Variants in RGS6 observed in about 807,000 individuals in gnomAD.
The protein encoded by RGS6 is regulator of G protein signaling 6.
In RGS6, 30 loss-of-function variants were observed where a neutral mutation model predicts 78.5. The ratio of observed to expected loss-of-function variants is 0.38; its 90% CI spans 0.29 to 0.52. The LOEUF is 0.52. Ranked by LOEUF, RGS6 falls within the 20% of genes least tolerant of loss-of-function variation. The probability of loss-of-function intolerance (pLI) is 0.85; values close to 1 mark genes in which losing one functional copy is unlikely to be tolerated. For missense variants in RGS6, 495 were observed against 609.7 expected, an observed-to-expected ratio of 0.81 and a Z score of 1.98; for synonymous variants, 206 against 206.0, an observed-to-expected ratio of 1.00 and a Z score of 0.00.
intron 2 of RGS6, among the ~76,000 whole-genome samples, chr14:72,052,582 C>CTGCTTAG (rs1232056915): frequency 6.6e-6 from 1 of 152,166 alleles, no homozygotes; most frequent in East Asian, 1.9e-4. Context: ...GGAATCTTCC[C>CTGCTTAG]TGCTTAGTGT....
At chr14:72,297,191 T>A (rs1386895974) in intron 2 of RGS6, among the ~76,000 whole-genome samples, 2 of 152,112 alleles carry the variant, frequency 1.3e-5, no homozygotes, top group Non-Finnish European at 2.9e-5. Context: ...TAGTTAATCA[T>A]GAAATTAGAT....
intron 2 of RGS6, among the ~76,000 whole-genome samples, chr14:72,032,951 A>G (rs1454081639): frequency 6.6e-6 from 1 of 152,094 alleles, no homozygotes; most frequent in Non-Finnish European, 1.5e-5. Flanking sequence ...TCTATTTTTG[A>G]TTCTTTTGAA....
intron 14 of RGS6, among the ~76,000 whole-genome samples, chr14:72,512,500 A>G (rs1007569911): frequency 2.0e-5 from 3 of 152,210 alleles, no homozygotes; most frequent in African/African-American, 7.2e-5. Flanking sequence ...CAGGAGGGCT[A>G]CATTTAATCT....
intron 3 of RGS6, among the ~76,000 whole-genome samples, chr14:72,414,173 T>A (rs2093632876): frequency 6.6e-6 from 1 of 152,244 alleles, no homozygotes; most frequent in South Asian, 2.1e-4. Flanking sequence ...TTTTCCAACT[T>A]GGTTCCATTC....
At chr14:72,474,457 C>T (rs970113149) in intron 9 of RGS6, among the ~76,000 whole-genome samples, 168 bp from the exon 10 acceptor site, 4 of 151,882 alleles carry the variant, frequency 2.6e-5, no homozygotes, top group Non-Finnish European at 5.9e-5. Flanking sequence ...TTTTCTAGAT[C>T]GTATGGGAAC....
At chr14:72,229,764 A>G (rs1285634134) in intron 2 of RGS6, among the ~76,000 whole-genome samples, 1 of 152,222 alleles carries the variant, frequency 6.6e-6, no homozygotes, top group African/African-American at 2.4e-5. Flanking sequence ...GACTCAAACA[A>G]TATGATCAAG....
At chr14:72,260,768 A>G (rs1321569243) in intron 2 of RGS6, among the ~76,000 whole-genome samples, 5 of 152,232 alleles carry the variant, frequency 3.3e-5, no homozygotes, top group Admixed American at 1.3e-4. Flanking sequence ...ATCTGTGAGC[A>G]TATATACAGA....
At chr14:72,422,045 G>T (rs1439216519) in intron 3 of RGS6, among the ~76,000 whole-genome samples, 1 of 152,174 alleles carries the variant, frequency 6.6e-6, no homozygotes, top group African/African-American at 2.4e-5. Context: ...TTGTGATACA[G>T]AACAAACCTC....
chr14:71,876,921 TCC>T, the RGS6 span, among the ~76,000 whole-genome samples: 1 of 152,146 alleles, frequency 6.6e-6, no homozygotes, highest in Admixed American at 6.5e-5. Flanking sequence ...ATTTTATTTC[TCC>T]TTCACTTATG....
At chr14:72,589,932 A>C in the RGS6 span, among the ~76,000 whole-genome samples, 1 of 152,350 alleles carries the variant, frequency 6.6e-6, no homozygotes, top group Admixed American at 6.5e-5. Flanking sequence ...CAAAATATAA[A>C]ACAATCTTAC....
chr14:72,369,263 C>T (rs994650115), intron 3 of RGS6, among the ~76,000 whole-genome samples: 2 of 152,092 alleles, frequency 1.3e-5, no homozygotes, highest in African/African-American at 4.8e-5. Flanking sequence ...AGGAGAAGGC[C>T]ATATGGCCTC....
intron 2 of RGS6, among the ~76,000 whole-genome samples, chr14:72,275,991 G>T (rs1319124222): frequency 6.6e-6 from 1 of 152,112 alleles, no homozygotes; most frequent in Non-Finnish European, 1.5e-5. Context: ...GACTGGGACT[G>T]GGTAGCAGGG....
chr14:72,271,117 A>G (rs528421793), intron 2 of RGS6, among the ~76,000 whole-genome samples: 4 of 152,134 alleles, frequency 2.6e-5, no homozygotes, highest in Non-Finnish European at 5.9e-5. Flanking sequence ...GAAATATTGT[A>G]CCTCATTAAT....
chr14:72,608,557 G>C, the RGS6 span, among the ~76,000 whole-genome samples: 1 of 152,088 alleles, frequency 6.6e-6, no homozygotes, highest in Non-Finnish European at 1.5e-5. Context: ...CACCTCTCCT[G>C]TGAGTCATCT....
At chr14:72,046,854 C>G (rs752555480) in intron 2 of RGS6, among the ~76,000 whole-genome samples, 9 of 152,150 alleles carry the variant, frequency 5.9e-5, no homozygotes, top group African/African-American at 2.2e-4. Flanking sequence ...TTGATTTCCT[C>G]TATTGAAGAC....
chr14:71,938,790 C>T (rs991610446), intron 1 of RGS6, among the ~76,000 whole-genome samples: 12 of 152,168 alleles, frequency 7.9e-5, no homozygotes, highest in Non-Finnish European at 4.4e-5. Flanking sequence ...TGCATGGTGA[C>T]TTGATGACCC....
chr14:72,591,230 T>C, the RGS6 span, among the ~76,000 whole-genome samples: 18 of 152,324 alleles, frequency 1.2e-4, no homozygotes, highest in African/African-American at 4.1e-4. Context: ...CAAAATTATG[T>C]TAAGAAATAC....
At chr14:72,302,705 C>CAT (rs2066362636) in intron 2 of RGS6, among the ~76,000 whole-genome samples, 1 of 151,066 alleles carries the variant, frequency 6.6e-6, no homozygotes, top group African/African-American at 2.4e-5. Context: ...CACACACACA[C>CAT]GGACACATAA....
chr14:72,118,070 T>C (rs2095947918), intron 2 of RGS6, among the ~76,000 whole-genome samples: 1 of 152,160 alleles, frequency 6.6e-6, no homozygotes, highest in African/African-American at 2.4e-5. Context: ...CATCAGCATT[T>C]CTTGAGCGCT....
Sources: allele counts gnomAD v4.1 joint callset (sites outside exome capture counted in the v4.1 genomes callset), GRCh38; gene constraint gnomAD v4.1.1; transcripts MANE v1.5; gene names NCBI Gene and HGNC (gene_info 2026-07-23, HGNC 2026-07-21).